CDKAL1: variants seen among roughly 807,000 people sequenced by gnomAD.
CDKAL1 encodes the protein threonylcarbamoyladenosine tRNA methylthiotransferase.
Under a neutral mutation model 68.2 loss-of-function variants are expected in CDKAL1, and 32 were observed. That is an observed-to-expected ratio of 0.47 (90% CI 0.35 to 0.63). The LOEUF is 0.63. CDKAL1 is among the 30% of genes least tolerant of loss of function. The pLI is 0.00. For missense variants in CDKAL1, 606 were observed against 696.7 expected (o/e 0.87, Z 1.47); for synonymous variants, 234 against 244.3 (o/e 0.96, Z 0.39).
At chr6:21,214,785 A>G (rs1779282338) in intron 15 of CDKAL1, among the ~76,000 whole-genome samples, 1 of 152,118 alleles carries the variant, frequency 6.6e-6, no homozygotes, top group African/African-American at 2.4e-5. Flanking sequence ...AAGCCCCATG[A>G]ATGCTGAGAC....
chr6:21,178,384 G>C (rs1470543296), intron 13 of CDKAL1, among the ~76,000 whole-genome samples: 1 of 152,108 alleles, frequency 6.6e-6, no homozygotes, highest in Non-Finnish European at 1.5e-5. Context: ...TAATTCTAAT[G>C]ATATTGGAGA....
chr6:20,648,064 G>T (rs201861596), intron 4 of CDKAL1, among the ~76,000 whole-genome samples: 2 of 144,254 alleles, frequency 1.4e-5, no homozygotes, highest in Non-Finnish European at 3.0e-5. Flanking sequence ...GACAGAGCGA[G>T]ACTCTGTCTC....
At chr6:20,573,948 A>G (rs1764811443) in intron 4 of CDKAL1, among the ~76,000 whole-genome samples, 1 of 152,192 alleles carries the variant, frequency 6.6e-6, no homozygotes. Context: ...AAACATCTGC[A>G]TTTTGACTGT....
At chr6:20,854,724 A>G (rs1390186772) in intron 9 of CDKAL1, among the ~76,000 whole-genome samples, 3 of 152,216 alleles carry the variant, frequency 2.0e-5, no homozygotes, top group African/African-American at 7.2e-5. Context: ...TGTTAAATCT[A>G]TCCTTAATGA....
At chr6:21,010,609 C>G (rs1767956638) in intron 11 of CDKAL1, among the ~76,000 whole-genome samples, 1 of 152,102 alleles carries the variant, frequency 6.6e-6, no homozygotes, top group East Asian at 1.9e-4. Flanking sequence ...ACCTTATATT[C>G]CTACTGAAAA....
chr6:21,029,863 G>A (rs910143733), intron 11 of CDKAL1, among the ~76,000 whole-genome samples: 3 of 152,110 alleles, frequency 2.0e-5, no homozygotes, highest in South Asian at 4.2e-4. Flanking sequence ...GAATAGGAAT[G>A]CTTTTACACT....
At chr6:21,091,474 T>C (rs1773001181) in intron 12 of CDKAL1, among the ~76,000 whole-genome samples, 1 of 152,130 alleles carries the variant, frequency 6.6e-6, no homozygotes, top group Non-Finnish European at 1.5e-5. Flanking sequence ...AGAAGGATTG[T>C]TTAAAACTAC....
At chr6:21,019,108 C>G (rs1768495330) in intron 11 of CDKAL1, among the ~76,000 whole-genome samples, 1 of 152,126 alleles carries the variant, frequency 6.6e-6, no homozygotes, top group East Asian at 1.9e-4. Context: ...GCCACCATGC[C>G]TGGCTAATTT....
chr6:20,742,288 T>C (rs1302451737), intron 6 of CDKAL1, among the ~76,000 whole-genome samples: 3 of 152,202 alleles, frequency 2.0e-5, no homozygotes, highest in Non-Finnish European at 4.4e-5. Context: ...AGAGTTTCTT[T>C]TGCTGTTTTG....
chr6:20,955,731 A>T, intron 10 of CDKAL1, 146 bp downstream of exon 10: 1 of 638,122 alleles, frequency 1.6e-6, no homozygotes, highest in East Asian at 2.9e-5. Flanking sequence ...ATGAATCAAG[A>T]CTTTCAAATC....
intron 11 of CDKAL1, among the ~76,000 whole-genome samples, chr6:21,019,833 CTATT>C (rs1457850624): frequency 2.0e-5 from 3 of 151,996 alleles, no homozygotes; most frequent in African/African-American, 7.2e-5. Context: ...AACACTATGG[CTATT>C]TAGTTTACTT....
chr6:20,711,970 G>A (rs1000803574), intron 5 of CDKAL1, among the ~76,000 whole-genome samples: 2 of 152,202 alleles, frequency 1.3e-5, no homozygotes, highest in Admixed American at 1.3e-4. Context: ...CAAGGATAAT[G>A]AAGATGCCAT....
intron 8 of CDKAL1, among the ~76,000 whole-genome samples, chr6:20,810,392 TCACA>T (rs59104508): frequency 0.091 from 10,489 of 115,190 alleles, 612 homozygotes; most frequent in Admixed American, 0.11. Context: ...TCTCTCTCTG[TCACA>T]CACACACACA....
chr6:20,744,228 T>G (rs550297590), intron 6 of CDKAL1, among the ~76,000 whole-genome samples: 2 of 152,328 alleles, frequency 1.3e-5, no homozygotes, highest in Admixed American at 1.3e-4. Context: ...TAGGCTAATT[T>G]GTTGGCAGAA....
At position 20,558,056 on chromosome 6, in the gene CDKAL1, G is replaced by C. The variant is rs538354663; in HGVS notation, c.286+9351G>C. On this transcript the variant is annotated intron_variant, in intron 4 of 15. Coordinates refer to ENST00000274695, the MANE Select transcript of CDKAL1 (RefSeq NM_017774.3). ...TATTTGCATGAACTGAGATTATTAA[G>C]TTCTAATATTTTTCTGCACATTTTG... is the stretch of plus-strand genomic sequence containing the variant. 4.6e-5 allele frequency among the ~76,000 whole-genome samples: 7 copies of C among 152,302 alleles called. No individual in the cohort carries two copies. The South Asian group carries it at 1.5e-3, about 32-fold the overall frequency.
chr6:20,701,705 C>G (rs1771369984), intron 5 of CDKAL1, among the ~76,000 whole-genome samples: 1 of 152,032 alleles, frequency 6.6e-6, no homozygotes, highest in South Asian at 2.1e-4. Flanking sequence ...TTATACCTAC[C>G]AGAACTTTGA....
chr6:20,877,205 C>CA (rs879471845), intron 9 of CDKAL1, among the ~76,000 whole-genome samples: 3 of 152,076 alleles, frequency 2.0e-5, no homozygotes, highest in Admixed American at 1.3e-4. Flanking sequence ...GAGCACTTTA[C>CA]AAAAAATATG....
chr6:21,195,686 T>C (rs1335616457), intron 13 of CDKAL1, among the ~76,000 whole-genome samples: 4 of 151,620 alleles, frequency 2.6e-5, no homozygotes, highest in African/African-American at 9.7e-5. Flanking sequence ...AATTTCTGTA[T>C]TTTTTATAGA....
intron 4 of CDKAL1, among the ~76,000 whole-genome samples, chr6:20,626,617 G>A (rs903715945): frequency 1.3e-5 from 2 of 151,872 alleles, no homozygotes; most frequent in South Asian, 2.1e-4. Flanking sequence ...ATACCCAATC[G>A]ATAGTGACTT....
Sources: gnomAD v4.1 joint callset for allele counts (sites outside exome capture counted in the v4.1 genomes callset) on GRCh38, gnomAD v4.1.1 for gene constraint, MANE v1.5 for transcripts, NCBI Gene and HGNC (gene_info 2026-07-23, HGNC 2026-07-21) for gene names.